The following OXR1 variants were observed in gnomAD, a reference collection of about 807,000 sequenced individuals.
The protein encoded by OXR1 is oxidation resistance 1.
In OXR1, 41 loss-of-function variants were observed where a neutral mutation model predicts 104.6. The observed-to-expected ratio is 0.39, with a 90% CI of 0.31 to 0.51. The LOEUF (loss-of-function observed/expected upper bound fraction) is 0.51. Ranked by LOEUF, OXR1 falls within the 20% of genes least tolerant of loss-of-function variation. OXR1 has a pLI of 0.77. For missense variants in OXR1, 955 were observed against 1,031.9 expected (o/e 0.93, Z 1.02); for synonymous variants, 348 against 348.4 (o/e 1.00, Z 0.01).
At chr8:106,682,883 A>G (rs111424240) in intron 4 of OXR1, among the ~76,000 whole-genome samples, 22 of 152,334 alleles carry the variant, frequency 1.4e-4, no homozygotes, top group African/African-American at 5.3e-4. Context: ...TCAAAGGAAT[A>G]GTGTATTATT....
chr8:106,633,742 A>G (rs1822903055), intron 3 of OXR1, among the ~76,000 whole-genome samples: 1 of 152,158 alleles, frequency 6.6e-6, no homozygotes, highest in African/African-American at 2.4e-5. Flanking sequence ...AAGTTCATAT[A>G]AGTCATCTGC....
At chr8:106,584,616 G>A (rs548973408) in intron 3 of OXR1, among the ~76,000 whole-genome samples, 6 of 152,124 alleles carry the variant, frequency 3.9e-5, no homozygotes, top group African/African-American at 1.4e-4. Context: ...ATGGTAAATG[G>A]TAAATTATTT....
chr8:106,313,376 A>G (rs551739688), intron 1 of OXR1, among the ~76,000 whole-genome samples: 24 of 152,148 alleles, frequency 1.6e-4, no homozygotes, highest in Non-Finnish European at 3.1e-4. Context: ...AGAAACCAAT[A>G]TAATTAGGGT....
At chr8:106,610,288 T>C (rs1820718201) in intron 3 of OXR1, among the ~76,000 whole-genome samples, 1 of 152,138 alleles carries the variant, frequency 6.6e-6, no homozygotes, top group African/African-American at 2.4e-5. Flanking sequence ...GCTGCTATTA[T>C]TCAGCTTCAT....
chr8:106,281,279 T>A (rs1812267961), intron 1 of OXR1, among the ~76,000 whole-genome samples: 1 of 152,124 alleles, frequency 6.6e-6, no homozygotes, highest in Non-Finnish European at 1.5e-5. Flanking sequence ...AGCAGCTGCG[T>A]TCATAATTGC....
intron 1 of OXR1, among the ~76,000 whole-genome samples, chr8:106,342,179 C>A (rs1348831430): frequency 1.3e-5 from 2 of 151,840 alleles, no homozygotes; most frequent in Non-Finnish European, 2.9e-5. Context: ...CTGACCCCGT[C>A]TATATCCTTA....
chr8:106,466,881 C>G (rs1281958468), intron 2 of OXR1, among the ~76,000 whole-genome samples: 1 of 151,728 alleles, frequency 6.6e-6, no homozygotes, highest in Non-Finnish European at 1.5e-5. Flanking sequence ...CTATTGATGG[C>G]TAATAGATAT....
chr8:106,312,877 T>A (rs1015294470), intron 1 of OXR1, among the ~76,000 whole-genome samples: 1 of 152,212 alleles, frequency 6.6e-6, no homozygotes, highest in African/African-American at 2.4e-5. Flanking sequence ...ATTGTGTATG[T>A]GTCCAGTGTT....
At chr8:106,371,239 G>A (rs1385812832) in intron 2 of OXR1, among the ~76,000 whole-genome samples, 1 of 152,014 alleles carries the variant, frequency 6.6e-6, no homozygotes. Context: ...TGTGGGGTCA[G>A]TAGTGATATC....
chr8:106,683,557 C>G (rs1337294975), intron 5 of OXR1, among the ~76,000 whole-genome samples: 1 of 151,962 alleles, frequency 6.6e-6, no homozygotes, highest in East Asian at 1.9e-4. Context: ...TTAAAATATT[C>G]AGAACAATAT....
chr8:106,601,701 G>A (rs12678817), intron 3 of OXR1, among the ~76,000 whole-genome samples: 2 of 151,810 alleles, frequency 1.3e-5, no homozygotes. Context: ...GCATTCCCTG[G>A]GTACTCTTTT....
chr8:106,614,535 T>A (rs1476600656), intron 3 of OXR1, among the ~76,000 whole-genome samples: 1 of 152,210 alleles, frequency 6.6e-6, no homozygotes, highest in Non-Finnish European at 1.5e-5. Context: ...AAGTGGTAGA[T>A]AGCCAATATT....
At chr8:106,432,282 C>T (rs572580911) in intron 2 of OXR1, among the ~76,000 whole-genome samples, 1 of 152,236 alleles carries the variant, frequency 6.6e-6, no homozygotes, top group South Asian at 2.1e-4. Context: ...CATTGGATCA[C>T]GTATCCTCCC....
chr8:106,370,230 A>AT (rs1399744564), intron 2 of OXR1, among the ~76,000 whole-genome samples: 1 of 152,054 alleles, frequency 6.6e-6, no homozygotes, highest in African/African-American at 2.4e-5. Flanking sequence ...AATGCTTTTG[A>AT]TTTTTGCAGA....
intron 2 of OXR1, among the ~76,000 whole-genome samples, chr8:106,430,959 G>A (rs1427379164): frequency 6.6e-6 from 1 of 152,140 alleles, no homozygotes; most frequent in Non-Finnish European, 1.5e-5. Flanking sequence ...GCTTAGTGAT[G>A]TGTTTGACTA....
chr8:106,539,758 T>C (rs1814808350), intron 3 of OXR1, among the ~76,000 whole-genome samples: 1 of 152,126 alleles, frequency 6.6e-6, no homozygotes, highest in African/African-American at 2.4e-5. Flanking sequence ...ACTCCTAGTT[T>C]TGAAGAGTAA....
chr8:106,567,150 C>T (rs1817139586), intron 3 of OXR1, among the ~76,000 whole-genome samples: 1 of 151,958 alleles, frequency 6.6e-6, no homozygotes, highest in African/African-American at 2.4e-5. Context: ...TTCATGTTAC[C>T]TCTCATGGAA....
intron 15 of OXR1, 22 bp from the exon 16 acceptor site, chr8:106,745,767 A>C (rs1208762589): frequency 8.3e-7 from 1 of 1,203,928 alleles, no homozygotes; most frequent in Admixed American, 1.9e-5. Context: ...ATATATTTAA[A>C]GCTTTTTTTA....
chr8:106,748,852 G>A (rs1389770406), intron 16 of OXR1, among the ~76,000 whole-genome samples: 1 of 151,786 alleles, frequency 6.6e-6, no homozygotes, highest in East Asian at 1.9e-4. Flanking sequence ...TTATAGGCGT[G>A]AGGCACTGCA....
Sources: gnomAD v4.1 joint callset for allele counts (sites outside exome capture counted in the v4.1 genomes callset) on GRCh38, gnomAD v4.1.1 for gene constraint, MANE v1.5 for transcripts, NCBI Gene and HGNC (gene_info 2026-07-23, HGNC 2026-07-21) for gene names.